RIPOR2: variants seen among roughly 807,000 people sequenced by gnomAD.
RIPOR2 encodes RHO family interacting cell polarization regulator 2, also known as rho family-interacting cell polarization regulator 2.
RIPOR2 carries 39 observed loss-of-function variants against 114.5 expected under a neutral mutation model. The observed-to-expected ratio is 0.34, with a 90% CI of 0.26 to 0.44. The LOEUF (loss-of-function observed/expected upper bound fraction) is 0.44. Among genes scored for constraint, RIPOR2 ranks in the 20% least tolerant of loss-of-function variants. The pLI is 1.00. For missense variants in RIPOR2, 1,007 were observed against 1,255.1 expected, an observed-to-expected ratio of 0.80 and a Z score of 2.99; for synonymous variants, 445 against 484.4, an observed-to-expected ratio of 0.92 and a Z score of 1.07.
intron 1 of RIPOR2, among the ~76,000 whole-genome samples, chr6:24,967,222 G>C (rs1419850787): frequency 6.6e-6 from 1 of 152,214 alleles, no homozygotes; most frequent in Non-Finnish European, 1.5e-5. Context: ...AGCATGTCAT[G>C]GCTTGAGAAA....
chr6:24,881,433 C>A (rs1025617458), intron 1 of RIPOR2, among the ~76,000 whole-genome samples: 1 of 152,124 alleles, frequency 6.6e-6, no homozygotes, highest in Admixed American at 6.5e-5. Context: ...GCCACCCGTG[C>A]CCTGCCACTC....
chr6:25,014,457 T>C (rs939847892), intron 1 of RIPOR2, among the ~76,000 whole-genome samples: 1 of 152,144 alleles, frequency 6.6e-6, no homozygotes, highest in Non-Finnish European at 1.5e-5. Context: ...ATCGAAATAA[T>C]GAGATAACTA....
chr6:24,961,274 C>T (rs755371441), intron 1 of RIPOR2, among the ~76,000 whole-genome samples: 25 of 152,058 alleles, frequency 1.6e-4, no homozygotes, highest in Non-Finnish European at 2.9e-4. Flanking sequence ...GATAAGACAT[C>T]GGGGGGATAC....
At chr6:24,924,648 A>C (rs1415269467) in intron 1 of RIPOR2, among the ~76,000 whole-genome samples, 1 of 152,200 alleles carries the variant, frequency 6.6e-6, no homozygotes. Context: ...TTAAAAGAGT[A>C]TTAAAATAAT....
At chr6:24,934,413 T>C (rs544575489) in intron 1 of RIPOR2, among the ~76,000 whole-genome samples, 2 of 152,356 alleles carry the variant, frequency 1.3e-5, no homozygotes, top group South Asian at 4.1e-4. Context: ...CAAATTGATT[T>C]AAGTTGTGAT....
chr6:24,829,924 T>C (rs1372984981), intron 17 of RIPOR2, among the ~76,000 whole-genome samples: 1 of 152,290 alleles, frequency 6.6e-6, no homozygotes, highest in African/African-American at 2.4e-5. Context: ...GAAATTGTAA[T>C]GAAAGAAGTA....
At chr6:24,856,342 T>C (rs903448374) in intron 8 of RIPOR2, among the ~76,000 whole-genome samples, 3 of 152,230 alleles carry the variant, frequency 2.0e-5, no homozygotes, top group Non-Finnish European at 4.4e-5. Flanking sequence ...AATAATTTTC[T>C]GCAGCATTTA....
intron 6 of RIPOR2, among the ~76,000 whole-genome samples, chr6:24,867,758 G>A (rs1476508939): frequency 6.6e-6 from 1 of 152,200 alleles, no homozygotes; most frequent in Non-Finnish European, 1.5e-5. Context: ...CTTAGCAGAA[G>A]GCCATTTGTA....
chr6:24,828,337 A>AT (rs1165658289), intron 17 of RIPOR2, 42 bp from the exon 18 acceptor site: 2 of 1,224,444 alleles, frequency 1.6e-6, no homozygotes, highest in Non-Finnish European at 2.2e-6. Flanking sequence ...TAGATAGATG[A>AT]CCATTCATTC....
intron 1 of RIPOR2, among the ~76,000 whole-genome samples, chr6:24,884,355 G>C (rs1027756363): frequency 2.4e-4 from 37 of 152,198 alleles, no homozygotes; most frequent in African/African-American, 8.9e-4. Context: ...GTTGCAGTGA[G>C]CCGAGATCGT....
chr6:24,865,193 G>T, intron 7 of RIPOR2, 108 bp downstream of exon 7: 3 of 858,516 alleles, frequency 3.5e-6, no homozygotes, highest in South Asian at 2.0e-5. Flanking sequence ...TCTTTCTAGA[G>T]GGTGGAATGA....
At chr6:25,042,129 TC>T, upstream of RIPOR2, 1 of 486,814 alleles carries the variant, frequency 2.1e-6, no homozygotes, top group Non-Finnish European at 3.6e-6. Flanking sequence ...TGCCTTTCCT[TC>T]CCTTAACTTC....
Position 24,842,937 on chromosome 6 carries a change from T to C in RIPOR2, c.1782A>G (p.Leu594=), listed in dbSNP as rs1398150741. The C allele has an allele frequency of 6.6e-7, 1 of 1,521,144 alleles. No homozygotes were observed. The highest frequency in any genetic ancestry group is 8.8e-7 in the Non-Finnish European group (1 of 1,136,096). The allele number at this position is 1,521,144 out of a possible 1,614,324, so 94.2% of individuals were successfully genotyped here. ...EDAFNGLLLA[L]EPHKEQYKEF... is the part of the protein sequence containing the mutation. ...CTTTATACTGCTCTTTATGTGGTTC[T>C]AATGCAAGTAAAAGCCCATTAAAAG... Residue 594 remains leucine (L), a synonymous_variant, in exon 13 of 22, where the codon TTA becomes TTG. Transcript: ENST00000643898.
In RIPOR2 at chr6:24,849,784, A is replaced by G; in HGVS notation, c.1034+18T>C. The G allele has an allele frequency of 3.1e-6, 5 of 1,609,182 alleles. No individual in the cohort carries two copies. Among genetic ancestry groups the G allele is most frequent in the Non-Finnish European group, 4.3e-6 (5 of 1,175,826 alleles). The stretch of plus-strand genomic sequence containing the variant: ...ATCAGATATTTCTATATGATGAAAT[A>G]AAGGAAGAGGCACTTACTACCAGGT... On this transcript the variant is annotated intron_variant, in intron 11 of 21. Transcript: ENST00000643898.
chr6:24,946,246 T>C (rs1034021130), intron 1 of RIPOR2, among the ~76,000 whole-genome samples: 2 of 152,198 alleles, frequency 1.3e-5, no homozygotes, highest in Non-Finnish European at 2.9e-5. Context: ...AGCTAATTTT[T>C]ATATTTTTAG....
chr6:24,828,925 A>G (rs567187247), intron 17 of RIPOR2, among the ~76,000 whole-genome samples: 1 of 152,198 alleles, frequency 6.6e-6, no homozygotes, highest in Non-Finnish European at 1.5e-5. Flanking sequence ...ATTATATAGT[A>G]TGTACTTTTG....
intron 12 of RIPOR2, among the ~76,000 whole-genome samples, chr6:24,845,880 T>C (rs954324743): frequency 2.0e-5 from 3 of 152,014 alleles, no homozygotes; most frequent in Admixed American, 1.3e-4. Context: ...TGCAAAGACA[T>C]GAGCTCCTGA....
At chr6:24,828,865 T>G (rs1350897266) in intron 17 of RIPOR2, among the ~76,000 whole-genome samples, 2 of 152,136 alleles carry the variant, frequency 1.3e-5, no homozygotes, top group Non-Finnish European at 2.9e-5. Context: ...CAATCTGACT[T>G]CTATCAACAT....
At chr6:24,875,165 T>C (rs1021041821) in intron 2 of RIPOR2, among the ~76,000 whole-genome samples, 7 of 152,264 alleles carry the variant, frequency 4.6e-5, no homozygotes, top group African/African-American at 1.7e-4. Flanking sequence ...ACCTTTATGA[T>C]AACAGAAAAA....
Sources: gnomAD v4.1 joint callset for allele counts (sites outside exome capture counted in the v4.1 genomes callset) on GRCh38, gnomAD v4.1.1 for gene constraint, MANE v1.5 for transcripts, NCBI Gene and HGNC (gene_info 2026-07-23, HGNC 2026-07-21) for gene names.